The following AKAP1 variants were observed in gnomAD, a reference collection of about 807,000 sequenced individuals.
AKAP1 encodes A-kinase anchor protein 1, mitochondrial.
A neutral mutation model predicts 79.8 loss-of-function variants in AKAP1; 32 were observed. That is an observed-to-expected ratio of 0.40 (90% confidence interval 0.30 to 0.54). AKAP1 has a LOEUF of 0.54. Ranked by LOEUF, AKAP1 falls within the 20% of genes least tolerant of loss-of-function variation. AKAP1 has a pLI of 0.47. For missense variants in AKAP1, 961 were observed against 1,138.9 expected (o/e 0.84, Z 2.25); for synonymous variants, 416 against 466.7 (o/e 0.89, Z 1.40).
chr17:57,100,971 GTGAGCCAAGATCACACCAT>G (rs1359202985), intron 1 of AKAP1, among the ~76,000 whole-genome samples: 3 of 152,192 alleles, frequency 2.0e-5, no homozygotes, highest in Non-Finnish European at 4.4e-5. Flanking sequence ...GGAGGTTGCG[GTGAGCCAAGATCACACCAT>G]TGCCCTCCAG....
At position 57,120,330 on chromosome 17, in the gene AKAP1, A is replaced by C. The variant is rs201780935; in HGVS notation, c.*6A>C. 6.2e-7 allele frequency: 1 copy of C among 1,611,136 alleles called. No individual in the cohort carries two copies. Among genetic ancestry groups the C allele is most frequent in the African/African-American group, 1.3e-5 (1 of 74,596 alleles). On this transcript the variant is annotated 3_prime_UTR_variant, in exon 11 of 11. Transcript: ENST00000337714. ...GCTACTACACAAGCCTTTGACCCCC[A>C]TGCTGCTTCCTGAGAGTCTTTTTTT... is the stretch of plus-strand genomic sequence containing the variant.
At chr17:57,113,386 T>C (rs1915370565) in intron 5 of AKAP1, among the ~76,000 whole-genome samples, 1 of 151,078 alleles carries the variant, frequency 6.6e-6, no homozygotes, top group South Asian at 2.1e-4. Flanking sequence ...ATTGTCCTCC[T>C]TCGTGTTTTT....
Position 57,085,309 on chromosome 17 carries a change from G to T in AKAP1, c.-114G>T, listed in dbSNP as rs1443144554. 1 of 151,238 alleles carries T rather than the reference G, an allele frequency of 6.6e-6. No individual in the cohort carries two copies. The highest frequency in any genetic ancestry group is 2.4e-5 in the African/African-American group (1 of 41,270). The allele number at this position is 151,238 out of a possible 1,614,324, so 9.4% of individuals were successfully genotyped here. A position where few individuals can be genotyped will look rare whatever the true frequency, so the allele number is the denominator to read the frequency against. On this transcript the variant is annotated 5_prime_UTR_variant, in exon 1 of 11. Transcript: ENST00000337714. ...CACGTGGGGGAGCTGCGGAAGCGCG[G>T]CGCTGCGGGCCGGGCCGCGGGGCAC... is the stretch of plus-strand genomic sequence containing the variant.
At chr17:57,103,869 A>G (rs1914677266) in intron 1 of AKAP1, among the ~76,000 whole-genome samples, 1 of 152,214 alleles carries the variant, frequency 6.6e-6, no homozygotes, top group Non-Finnish European at 1.5e-5. Context: ...CCCATCTTAC[A>G]GATGAGGAAA....
chr17:57,090,873 A>G (rs574908783), intron 1 of AKAP1, among the ~76,000 whole-genome samples: 27 of 152,348 alleles, frequency 1.8e-4, no homozygotes, highest in African/African-American at 6.3e-4. Context: ...ACAATCCTGA[A>G]GTCACTAATT....
chr17:57,117,083 G>A (rs1456698205), intron 8 of AKAP1, among the ~76,000 whole-genome samples, 156 bp downstream of exon 8: 2 of 152,240 alleles, frequency 1.3e-5, no homozygotes, highest in African/African-American at 4.8e-5. Context: ...TTAGGCCCAG[G>A]AACTTACATT....
chr17:57,090,325 T>TCTAA (rs56089554), intron 1 of AKAP1, among the ~76,000 whole-genome samples: 125,660 of 151,182 alleles, frequency 0.83, 52,825 homozygotes, highest in East Asian at 0.99. Context: ...CTTTTTTTTT[T>TCTAA]CTGTGTCATT....
At chr17:57,116,015 C>CTTT in intron 6 of AKAP1, 96 bp from the exon 7 acceptor site, 1 of 1,456,196 alleles carries the variant, frequency 6.9e-7, no homozygotes. Flanking sequence ...TTGCAGGCCT[C>CTTT]TGAGAGGTAA....
rs527409811 is a variant in AKAP1 at position 57,118,399 on chromosome 17, C to G, written c.2519C>G (p.Pro840Arg). The stretch of plus-strand genomic sequence containing the variant: ...CCTGAAGACGATGACCAGTTTTCAC[C>G]GGAAGCAGATGCCGCCATGAGCGAG... Reference protein sequence around the residue: ...MPLSDDDQFSPEADAAMSEMT... With the variant: ...MPLSDDDQFSREADAAMSEMT... The change falls in exon 9 of 11, where the codon CCG becomes CGG. Residue 840 changes from proline to arginine, a missense_variant. This residue lies in a region of AKAP1 where 629 missense variants were observed against 781.1 expected (regional missense o/e 0.81). Transcript: ENST00000337714. 16 of 1,613,958 alleles carry G rather than the reference C, an allele frequency of 9.9e-6. 1 individual carries two copies. The South Asian group carries it at 1.4e-4, about 14-fold the overall frequency.
chr17:57,097,504 T>G (rs1459560612), intron 1 of AKAP1, among the ~76,000 whole-genome samples: 1 of 152,232 alleles, frequency 6.6e-6, no homozygotes, highest in Non-Finnish European at 1.5e-5. Context: ...GAGTTTGTGA[T>G]TTTCCTCGAC....
intron 1 of AKAP1, chr17:57,092,562 A>T (rs945398432): frequency 1.6e-4 from 24 of 152,410 alleles, no homozygotes; most frequent in African/African-American, 5.8e-4. Context: ...GTGTGGCCAC[A>T]GGGCTTCCTG....
chr17:57,096,895 A>G (rs1268910701), intron 1 of AKAP1: 1 of 152,258 alleles, frequency 6.6e-6, no homozygotes, highest in Non-Finnish European at 1.5e-5. Flanking sequence ...AACCTAAAGT[A>G]GAATTCAGTG....
chr17:57,116,810 G>C (rs755718752), intron 7 of AKAP1, 50 bp from the exon 8 acceptor site: 144 of 1,515,928 alleles, frequency 9.5e-5, no homozygotes, highest in Non-Finnish European at 1.2e-4. Flanking sequence ...GCTTGGAGTG[G>C]AGTCAGCCTT....
intron 5 of AKAP1, among the ~76,000 whole-genome samples, chr17:57,112,865 G>T (rs1915337956): frequency 8.2e-3 from 1 of 122 alleles, no homozygotes; most frequent in Admixed American, 0.042. Context: ...ACTTTTCCTG[G>T]CTCTCCCCCT....
At chr17:57,111,021 G>A (rs1359522258) in intron 3 of AKAP1, among the ~76,000 whole-genome samples, 2 of 152,206 alleles carry the variant, frequency 1.3e-5, no homozygotes, top group Admixed American at 6.5e-5. Flanking sequence ...CCTGGGTTGC[G>A]AGGTCTCTTG....
chr17:57,110,215 A>C, intron 3 of AKAP1, 57 bp downstream of exon 3: 1 of 1,599,178 alleles, frequency 6.3e-7, no homozygotes, highest in Non-Finnish European at 8.5e-7. Flanking sequence ...CCCTGGGGCC[A>C]GGGCCATTAG....
chr17:57,086,324 G>C lies in AKAP1; in HGVS notation c.-25+926G>C. 4.7e-6 allele frequency: 2 copies of C among 421,090 alleles called. No individual in the cohort carries two copies. Among genetic ancestry groups the C allele is most frequent in the Non-Finnish European group, 4.7e-6 (1 of 211,348 alleles). 26.1% of individuals were successfully genotyped at this position (421,090 alleles called of 1,614,324 possible). On this transcript the variant is annotated intron_variant, in intron 1 of 10. Coordinates refer to ENST00000337714, the MANE Select transcript of AKAP1 (RefSeq NM_003488.4). This position sits in a 1 kb window ranked among gnomAD's most constrained non-coding sequence, Gnocchi z 5.1. ...ATGCCTCGAACGCGGGCTTTCTGGC[G>C]TTCAACTCTTTTGTGCCCTAGCTGA...
intron 2 of AKAP1, among the ~76,000 whole-genome samples, chr17:57,108,214 C>T (rs1290863508): frequency 6.6e-6 from 1 of 152,134 alleles, no homozygotes; most frequent in African/African-American, 2.4e-5. Flanking sequence ...GGGAATTTTA[C>T]CACTTTCAGC....
At chr17:57,107,558 C>A (rs528053326) in intron 2 of AKAP1, among the ~76,000 whole-genome samples, 126 of 152,226 alleles carry the variant, frequency 8.3e-4, no homozygotes, top group Middle Eastern at 3.4e-3. Flanking sequence ...GCTGGTCTCG[C>A]ACTCCTGGGC....
Sources: gnomAD v4.1 joint callset for allele counts (sites outside exome capture counted in the v4.1 genomes callset) on GRCh38, gnomAD v4.1.1 for gene constraint, gnomAD v4.1.1 regional missense constraint, Gnocchi (gnomAD v3.1) non-coding constraint, MANE v1.5 for transcripts, NCBI Gene and HGNC (gene_info 2026-07-23, HGNC 2026-07-21) for gene names.